Variants in PIK3C2G observed in about 807,000 individuals in gnomAD.
PIK3C2G encodes the protein phosphatidylinositol-4-phosphate 3-kinase catalytic subunit type 2 gamma, also known as phosphatidylinositol 3-kinase C2 domain-containing subunit gamma.
In PIK3C2G, 168 loss-of-function variants were observed where a neutral mutation model predicts 181.1. The observed-to-expected ratio is 0.93, with a 90% CI of 0.82 to 1.05. PIK3C2G has a LOEUF of 1.05. Ranked by LOEUF, PIK3C2G falls within the 50% of genes least tolerant of loss-of-function variation. The probability of loss-of-function intolerance (pLI) is 0.00; values close to 1 mark genes in which losing one functional copy is unlikely to be tolerated. For synonymous variants in PIK3C2G, 573 were observed against 592.2 expected (o/e 0.97, Z 0.47); for missense variants, 1,869 against 1,732.8 (o/e 1.08, Z -1.40).
chr12:18,676,010 T>TA, the PIK3C2G span, among the ~76,000 whole-genome samples: 59,349 of 151,236 alleles, frequency 0.39, 14,060 homozygotes, highest in South Asian at 0.6. Flanking sequence ...TGAATCTATT[T>TA]AAAAAAAAAC....
upstream of PIK3C2G, among the ~76,000 whole-genome samples, chr12:18,257,649 AAAG>A (rs1402184464): frequency 2.0e-5 from 3 of 151,842 alleles, no homozygotes; most frequent in South Asian, 6.2e-4. Context: ...AAAGAAAAGA[AAAG>A]AAAGAAGGAA....
intron 16 of PIK3C2G, among the ~76,000 whole-genome samples, chr12:18,419,409 G>T (rs1945352588): frequency 6.6e-6 from 1 of 152,168 alleles, no homozygotes; most frequent in African/African-American, 2.4e-5. Context: ...TCCTCACACT[G>T]ACCTTGATGT....
intron 14 of PIK3C2G, among the ~76,000 whole-genome samples, chr12:18,384,316 A>C (rs1176533211): frequency 6.6e-6 from 1 of 152,188 alleles, no homozygotes; most frequent in African/African-American, 2.4e-5. Flanking sequence ...CTTCAGTTTT[A>C]AGAATGAACA....
chr12:18,276,653 T>C (rs924140405), intron 1 of PIK3C2G, among the ~76,000 whole-genome samples: 72 of 152,284 alleles, frequency 4.7e-4, no homozygotes, highest in African/African-American at 1.6e-3. Context: ...TATTCCTATA[T>C]TGTACTGTAA....
At chr12:18,705,597 G>T in the PIK3C2G span, among the ~76,000 whole-genome samples, 2 of 152,246 alleles carry the variant, frequency 1.3e-5, no homozygotes, top group East Asian at 3.9e-4. Flanking sequence ...CAGGCTCAGT[G>T]GCTCACAACT....
chr12:18,444,489 G>A (rs1946921182), intron 18 of PIK3C2G, among the ~76,000 whole-genome samples: 1 of 152,084 alleles, frequency 6.6e-6, no homozygotes, highest in Non-Finnish European at 1.5e-5. Flanking sequence ...CAAACTTAAT[G>A]GTGGTTTTGA....
rs1260469777 is a variant in PIK3C2G, at chr12:18,290,995, T to C, written c.902T>C (p.Leu301Pro). The part of the protein sequence containing the change: ...HIFIDNSTQP[L>P]HFMPCANYLV... ...TTTATTGATAACTCAACACAACCTC[T>C]TCATTTTATGCCATGTGGTAAGCAA... The change falls in exon 4 of 33, where the codon CTT becomes CCT. Residue 301 changes from leucine to proline, a missense_variant. Physicochemically the swap from Leu to Pro is moderately conservative, Grantham distance 98 (BLOSUM62 -3). Transcript: ENST00000538779. 1 of 1,601,574 alleles carries C rather than the reference T, an allele frequency of 6.2e-7. No individual in the cohort carries two copies. The highest frequency in any genetic ancestry group is 8.5e-7 in the Non-Finnish European group (1 of 1,169,926).
chr12:18,482,263 G>T (rs1472328309), intron 18 of PIK3C2G, among the ~76,000 whole-genome samples: 1 of 148,186 alleles, frequency 6.7e-6, no homozygotes, highest in Admixed American at 6.9e-5. Context: ...TTCTTTTTTG[G>T]CTGTAACTTT....
chr12:18,446,225 T>A (rs916577673), intron 18 of PIK3C2G, among the ~76,000 whole-genome samples: 6 of 152,078 alleles, frequency 3.9e-5, no homozygotes, highest in Non-Finnish European at 8.8e-5. Context: ...CCAGATGTCT[T>A]CTGTTTGCCT....
chr12:18,603,922 A>G (rs559343125), intron 30 of PIK3C2G, among the ~76,000 whole-genome samples: 1 of 152,340 alleles, frequency 6.6e-6, no homozygotes, highest in South Asian at 2.1e-4. Flanking sequence ...AATCTCTTTA[A>G]AGCATAAATC....
chr12:18,314,931 C>T (rs745917221), intron 6 of PIK3C2G, among the ~76,000 whole-genome samples: 1 of 152,172 alleles, frequency 6.6e-6, no homozygotes, highest in Non-Finnish European at 1.5e-5. Context: ...GATGACTGTG[C>T]TTTGACGATA....
intron 10 of PIK3C2G, among the ~76,000 whole-genome samples, chr12:18,344,128 T>C (rs1194228589): frequency 1.3e-5 from 2 of 152,076 alleles, no homozygotes; most frequent in Non-Finnish European, 2.9e-5. Context: ...TCGTTCTTGG[T>C]TGTAGATGGT....
At chr12:18,641,679 T>G (rs548966751) in intron 32 of PIK3C2G, among the ~76,000 whole-genome samples, 10 of 151,990 alleles carry the variant, frequency 6.6e-5, no homozygotes, top group African/African-American at 1.7e-4. Context: ...CAAAGTTTTA[T>G]TTATCACCTA....
chr12:18,280,440 T>C (rs1949163620), intron 1 of PIK3C2G, among the ~76,000 whole-genome samples: 1 of 151,988 alleles, frequency 6.6e-6, no homozygotes, highest in East Asian at 1.9e-4. Flanking sequence ...TCCTGAATGA[T>C]GAAAAAGAAT....
At chr12:18,506,995 G>A (rs7301858) in intron 24 of PIK3C2G, among the ~76,000 whole-genome samples, 2,036 of 151,274 alleles carry the variant, frequency 0.013, 44 homozygotes, top group African/African-American at 0.048. Context: ...AAACAGCCTC[G>A]AAAAATTTAC....
intron 3 of PIK3C2G, among the ~76,000 whole-genome samples, chr12:18,287,469 T>C (rs77506182): frequency 0.018 from 2,718 of 152,312 alleles, 79 homozygotes; most frequent in African/African-American, 0.062. Context: ...GATATAAACA[T>C]AAATGCCTTC....
chr12:18,283,964 A>G (rs745918106), intron 2 of PIK3C2G, among the ~76,000 whole-genome samples: 5 of 152,100 alleles, frequency 3.3e-5, no homozygotes, highest in Non-Finnish European at 5.9e-5. Context: ...CTGGAGCCCA[A>G]TTTGAGCAGC....
chr12:18,718,260 G>A, the PIK3C2G span, among the ~76,000 whole-genome samples: 1 of 152,226 alleles, frequency 6.6e-6, no homozygotes, highest in African/African-American at 2.4e-5. Context: ...CTCAGCTGCT[G>A]CCTCATGAGT....
At chr12:18,702,394 CT>C in the PIK3C2G span, among the ~76,000 whole-genome samples, 2 of 152,128 alleles carry the variant, frequency 1.3e-5, no homozygotes, top group Non-Finnish European at 2.9e-5. Context: ...CATTCTTTCA[CT>C]TGGTTATTCC....
Sources: allele counts gnomAD v4.1 joint callset (sites outside exome capture counted in the v4.1 genomes callset), GRCh38; gene constraint gnomAD v4.1.1; transcripts MANE v1.5; gene names NCBI Gene and HGNC (gene_info 2026-07-23, HGNC 2026-07-21).